Variants in ARID5B observed in about 807,000 individuals in gnomAD.
ARID5B encodes the protein AT-rich interaction domain 5B.
Under a neutral mutation model 97.2 loss-of-function variants are expected in ARID5B, and 13 were observed. That is an observed-to-expected ratio of 0.13 (90% CI 0.09 to 0.21). The LOEUF is 0.21. Ranked by LOEUF, ARID5B falls within the 10% of genes least tolerant of loss-of-function variation. The pLI is 1.00. For synonymous variants in ARID5B, 556 were observed against 570.3 expected (o/e 0.97, Z 0.36); for missense variants, 1,210 against 1,465.3 (o/e 0.83, Z 2.84).
At chr10:61,952,991 C>T (rs1229993997) in intron 3 of ARID5B, among the ~76,000 whole-genome samples, 3 of 151,620 alleles carry the variant, frequency 2.0e-5, no homozygotes, top group Non-Finnish European at 4.4e-5. Flanking sequence ...GGACTTGTTC[C>T]ACCTTACCTT....
intron 3 of ARID5B, among the ~76,000 whole-genome samples, chr10:61,953,019 G>T (rs1039202916): frequency 1.3e-5 from 2 of 151,790 alleles, no homozygotes; most frequent in African/African-American, 4.8e-5. Context: ...ATTATTATCG[G>T]CTTGTTTGTA....
chr10:61,960,914 G>A (rs1048173124), intron 3 of ARID5B, among the ~76,000 whole-genome samples: 2 of 152,220 alleles, frequency 1.3e-5, no homozygotes, highest in Non-Finnish European at 2.9e-5. Context: ...TATGCCCTTC[G>A]GCAAGTTGTA....
chr10:62,036,043 T>C (rs1017627539), intron 4 of ARID5B, among the ~76,000 whole-genome samples: 18 of 152,092 alleles, frequency 1.2e-4, no homozygotes, highest in Non-Finnish European at 2.2e-4. Flanking sequence ...CAGGCTGGTC[T>C]TGAACTCCTG....
intron 4 of ARID5B, among the ~76,000 whole-genome samples, chr10:62,045,521 G>GC: frequency 6.6e-6 from 1 of 150,844 alleles, no homozygotes; most frequent in African/African-American, 2.4e-5. Context: ...TGCGATCTTG[G>GC]CTCACCACAA....
chr10:61,942,754 C>T (rs1355206306), intron 3 of ARID5B, among the ~76,000 whole-genome samples: 1 of 152,144 alleles, frequency 6.6e-6, no homozygotes, highest in African/African-American at 2.4e-5. Context: ...ATCATCACAC[C>T]TTTGCACTCC....
At chr10:61,909,272 C>A (rs1843758604) in intron 2 of ARID5B, among the ~76,000 whole-genome samples, 1 of 148,904 alleles carries the variant, frequency 6.7e-6, no homozygotes, top group African/African-American at 2.5e-5. Flanking sequence ...GCAGTTGTGC[C>A]TTATTCACCT....
At chr10:62,032,586 G>T (rs1309621665) in intron 4 of ARID5B, among the ~76,000 whole-genome samples, 1 of 151,946 alleles carries the variant, frequency 6.6e-6, no homozygotes, top group Non-Finnish European at 1.5e-5. Flanking sequence ...GTGGTGATGG[G>T]CGCCTGTAAT....
At chr10:62,003,254 G>C (rs1049338555) in intron 4 of ARID5B, among the ~76,000 whole-genome samples, 1 of 152,148 alleles carries the variant, frequency 6.6e-6, no homozygotes, top group Non-Finnish European at 1.5e-5. Flanking sequence ...CACCTGAAAG[G>C]TTAACTAATG....
At chr10:61,966,405 C>A (rs980916748) in intron 3 of ARID5B, among the ~76,000 whole-genome samples, 1 of 152,114 alleles carries the variant, frequency 6.6e-6, no homozygotes, top group Non-Finnish European at 1.5e-5. Context: ...CTCCCTAGTC[C>A]AAGACTCCTA....
chr10:62,006,557 A>G (rs1007480603), intron 4 of ARID5B, among the ~76,000 whole-genome samples: 6 of 152,340 alleles, frequency 3.9e-5, no homozygotes, highest in African/African-American at 1.4e-4. Context: ...TAAGGTCATC[A>G]TATGGCATAG....
chr10:61,926,707 C>T (rs1367906936), intron 2 of ARID5B, among the ~76,000 whole-genome samples: 1 of 152,160 alleles, frequency 6.6e-6, no homozygotes. Flanking sequence ...CTCCCTGGTT[C>T]AGGTGATTCT....
chr10:61,995,783 A>G (rs539986161), intron 3 of ARID5B, among the ~76,000 whole-genome samples: 1 of 152,144 alleles, frequency 6.6e-6, no homozygotes, highest in Admixed American at 6.5e-5. Context: ...TTTCCCTTTT[A>G]CTTTTCACTT....
intron 2 of ARID5B, among the ~76,000 whole-genome samples, chr10:61,915,204 T>C (rs1468711140): frequency 6.6e-6 from 1 of 152,186 alleles, no homozygotes; most frequent in Non-Finnish European, 1.5e-5. Context: ...ACCTCCAGCG[T>C]GACTTTGTGT....
At chr10:62,061,516 G>T (rs896439518) in intron 7 of ARID5B, among the ~76,000 whole-genome samples, 2 of 152,180 alleles carry the variant, frequency 1.3e-5, no homozygotes, top group Non-Finnish European at 2.9e-5. Context: ...AAAGTCCTCC[G>T]ATGCTAGCTC....
At chr10:61,933,514 A>G (rs1844248472) in intron 2 of ARID5B, among the ~76,000 whole-genome samples, 1 of 152,220 alleles carries the variant, frequency 6.6e-6, no homozygotes, top group African/African-American at 2.4e-5. Context: ...TATATTTCTT[A>G]TATAATGATA....
chr10:62,028,338 G>A (rs1839449311), intron 4 of ARID5B, among the ~76,000 whole-genome samples: 1 of 152,180 alleles, frequency 6.6e-6, no homozygotes, highest in African/African-American at 2.4e-5. Context: ...TATTGAGTGA[G>A]CAATCCTGTG....
chr10:61,958,571 A>C (rs1339188745), intron 3 of ARID5B, among the ~76,000 whole-genome samples: 19 of 152,166 alleles, frequency 1.2e-4, no homozygotes, highest in Admixed American at 1.2e-3. Flanking sequence ...ATGATTGTTG[A>C]ATGAATGAGG....
chr10:62,080,648 T>C lies in ARID5B; in HGVS notation c.1200-5054T>C, dbSNP rs16916978. Among the ~76,000 whole-genome samples the C allele has an allele frequency of 5.6e-3, 849 of 152,328 alleles. 7 individuals are homozygous for C. The highest frequency in any genetic ancestry group is 0.019 in the African/African-American group (805 of 41,564). ...CACAGTAAAGTTATATTTTAATTTC[T>C]GGCTGCAAAGGGAAATGTCTGGCCA... On this transcript the variant is annotated intron_variant, in intron 8 of 9. Transcript: ENST00000279873.
rs17215643 is a variant in ARID5B, at chr10:62,000,959, A to G, written c.733+638A>G. 0.014 allele frequency among the ~76,000 whole-genome samples: 2,194 copies of G among 152,244 alleles called. 27 individuals are homozygous for G. Among genetic ancestry groups the G allele is most frequent in the Admixed American group, 0.021 (317 of 15,290 alleles). Reference sequence around the variant, plus strand: ...ACGTACACGCACATTGTGCCCACCAAAGATGGATACATATCTTAATCTGCA... The same window carrying G: ...ACGTACACGCACATTGTGCCCACCAGAGATGGATACATATCTTAATCTGCA... On this transcript the variant is annotated intron_variant, in intron 4 of 9. Transcript: ENST00000279873. This position sits in a 1 kb window ranked among gnomAD's most constrained non-coding sequence, Gnocchi z 4.4.
Sources: gnomAD v4.1 joint callset for allele counts (sites outside exome capture counted in the v4.1 genomes callset) on GRCh38, gnomAD v4.1.1 for gene constraint, Gnocchi (gnomAD v3.1) non-coding constraint, MANE v1.5 for transcripts, NCBI Gene and HGNC (gene_info 2026-07-23, HGNC 2026-07-21) for gene names.